C19orf44: variants seen among roughly 807,000 people sequenced by gnomAD.
The protein encoded by C19orf44 is uncharacterized protein C19orf44.
A neutral mutation model predicts 50.7 loss-of-function variants in C19orf44; 43 were observed. The ratio of observed to expected loss-of-function variants is 0.85; its 90% CI spans 0.66 to 1.09. The LOEUF (loss-of-function observed/expected upper bound fraction) is 1.09. Ranked by LOEUF, C19orf44 falls within the 50% of genes least tolerant of loss-of-function variation. C19orf44 has a pLI of 0.00. For missense variants in C19orf44, 722 were observed against 836.2 expected (o/e 0.86, Z 1.68); for synonymous variants, 298 against 334.7 (o/e 0.89, Z 1.20).
intron 6 of C19orf44, among the ~76,000 whole-genome samples, chr19:16,513,964 T>C (rs2093464657): frequency 1.3e-5 from 2 of 151,850 alleles, no homozygotes; most frequent in African/African-American, 4.8e-5. Flanking sequence ...ATCTGGTACC[T>C]ACTATTTTTT....
chr19:16,512,196 G>C (rs1331884420), intron 5 of C19orf44, among the ~76,000 whole-genome samples: 1 of 151,942 alleles, frequency 6.6e-6, no homozygotes, highest in African/African-American at 2.4e-5. Flanking sequence ...GGTGTTAAAT[G>C]GTATTTTCAA....
At position 16,520,060 on chromosome 19, in the gene C19orf44, A is replaced by G; in HGVS notation, c.*41-34A>G. The G allele has an allele frequency of 7.3e-7, 1 of 1,374,774 alleles. No homozygotes were observed. Among genetic ancestry groups the G allele is most frequent in the South Asian group, 1.2e-5 (1 of 80,908 alleles). The allele number at this position is 1,374,774 out of a possible 1,614,324, so 85.2% of individuals were successfully genotyped here. On this transcript the variant is annotated intron_variant, in intron 8 of 8. Coordinates refer to ENST00000221671, the MANE Select transcript of C19orf44 (RefSeq NM_032207.4). The surrounding 1 kb of genome is among the most constrained non-coding windows in gnomAD (Gnocchi z 4.0). ...GCTAATGCTGGCGGCCTCCTAACAC[A>G]GTCTCCTAACCACCAATGTTTCCAC...
intron 1 of C19orf44, among the ~76,000 whole-genome samples, chr19:16,496,866 G>A (rs757305684): frequency 4.6e-5 from 7 of 152,068 alleles, no homozygotes; most frequent in African/African-American, 1.7e-4. Flanking sequence ...GGTGATTCAC[G>A]CCTGGAATCC....
At chr19:16,506,800 T>C (rs747754585) in intron 4 of C19orf44, 26 bp downstream of exon 4, 3 of 1,519,746 alleles carry the variant, frequency 2.0e-6, no homozygotes, top group Non-Finnish European at 2.7e-6. Context: ...TCATTTTTCA[T>C]GGTCGATTGT....
chr19:16,508,431 A>G (rs920433200), intron 4 of C19orf44, among the ~76,000 whole-genome samples: 1 of 151,942 alleles, frequency 6.6e-6, no homozygotes, highest in African/African-American at 2.4e-5. Flanking sequence ...GACAGGTCTC[A>G]CTCAGGCTGG....
chr19:16,502,001 C>T (rs2093426925), intron 2 of C19orf44, among the ~76,000 whole-genome samples: 1 of 151,548 alleles, frequency 6.6e-6, no homozygotes. Flanking sequence ...CCTCCACCTC[C>T]CAGGTTCAAG....
At position 16,500,812 on chromosome 19, in the gene C19orf44, C is replaced by T; in HGVS notation, c.20C>T (p.Ala7Val). 1 of 1,577,808 alleles carries T rather than the reference C, an allele frequency of 6.3e-7. No homozygotes were observed. Among genetic ancestry groups the T allele is most frequent in the East Asian group, 2.2e-5 (1 of 44,522 alleles). The stretch of plus-strand genomic sequence containing the variant: ...CACAGAATGGCTTCTGCAAGGAAAG[C>T]CAGCCGTCCCATGCGTGATGTTTTT... MASARK[A>V]SRPMRDVFGD... Residue 7 changes from alanine to valine, a missense_variant, in exon 2 of 9, where the codon GCC becomes GTC. Coordinates refer to ENST00000221671, the MANE Select transcript of C19orf44 (RefSeq NM_032207.4).
chr19:16,499,580 T>G (rs2093419228), intron 1 of C19orf44: 1 of 151,918 alleles, frequency 6.6e-6, no homozygotes, highest in Non-Finnish European at 1.5e-5. Flanking sequence ...CGGCCTGTAG[T>G]TTTTCATCTT....
intron 1 of C19orf44, among the ~76,000 whole-genome samples, chr19:16,498,268 A>G (rs982725353): frequency 3.9e-5 from 6 of 152,056 alleles, no homozygotes; most frequent in African/African-American, 1.2e-4. Flanking sequence ...TCCCCCAACA[A>G]CATATGAGGG....
chr19:16,512,256 TA>T (rs1300489974), intron 5 of C19orf44, among the ~76,000 whole-genome samples: 1 of 152,096 alleles, frequency 6.6e-6, no homozygotes, highest in African/African-American at 2.4e-5. Flanking sequence ...CTTCTGTCCA[TA>T]TTTTTGGCAA....
Position 16,496,429 on chromosome 19 carries a change from T to G in C19orf44, c.-38T>G. The G allele has an allele frequency of 7.6e-6, 3 of 396,332 alleles. No individual in the cohort carries two copies. Among genetic ancestry groups the G allele is most frequent in the Non-Finnish European group, 9.4e-6 (2 of 211,816 alleles). 24.6% of individuals were successfully genotyped at this position (396,332 alleles called of 1,614,324 possible). On this transcript the variant is annotated 5_prime_UTR_variant, in exon 1 of 9. Transcript: ENST00000221671. Reference sequence around the variant, plus strand: ...GCAACCGCTCCTTCAGGCGTGAATGTGGCGGCTGCCTCTGCGAATGGACGG... The same window carrying G: ...GCAACCGCTCCTTCAGGCGTGAATGGGGCGGCTGCCTCTGCGAATGGACGG...
intron 1 of C19orf44, 100 bp from the exon 2 acceptor site, chr19:16,500,692 G>C: frequency 1.7e-6 from 2 of 1,204,010 alleles, no homozygotes; most frequent in Non-Finnish European, 2.3e-6. Flanking sequence ...CTGTGGCTGG[G>C]TTGCAAAAGA....
At chr19:16,518,081 A>T (rs981748161) in intron 8 of C19orf44, 1 of 152,128 alleles carries the variant, frequency 6.6e-6, no homozygotes, top group African/African-American at 2.4e-5. Context: ...TATTGAAAAG[A>T]ATTTTTCAAA....
chr19:16,520,775 A>T lies in C19orf44; in HGVS notation c.*722A>T. On this transcript the variant is annotated 3_prime_UTR_variant, in exon 9 of 9. Coordinates refer to ENST00000221671, the MANE Select transcript of C19orf44 (RefSeq NM_032207.4). This position sits in a 1 kb window ranked among gnomAD's most constrained non-coding sequence, Gnocchi z 4.0. ...TATCTGGGGTCTGCTCCCACCCATC[A>T]CAAGCTGTGGACCCTGGCCCCCCGG... 1.9e-6 allele frequency: 3 copies of T among 1,553,444 alleles called. No homozygotes were observed. In the South Asian group the frequency reaches 3.3e-5, roughly 17 times the overall value.
At chr19:16,497,553 G>A (rs917763815) in intron 1 of C19orf44, among the ~76,000 whole-genome samples, 1 of 151,452 alleles carries the variant, frequency 6.6e-6, no homozygotes, top group Non-Finnish European at 1.5e-5. Context: ...GTTTTACCAT[G>A]TGTGTCAGGC....
intron 4 of C19orf44, among the ~76,000 whole-genome samples, chr19:16,508,827 G>GT (rs950541979): frequency 1.8e-4 from 27 of 146,424 alleles, no homozygotes; most frequent in South Asian, 6.6e-4. Context: ...ATGATGAAAT[G>GT]TTTTTTTTTT....
At position 16,509,770 on chromosome 19, in the gene C19orf44, ACT is replaced by A. The variant is rs2093451256; in HGVS notation, c.1425_1426del (p.Pro476LysfsTer6). 1 of 1,613,786 alleles carries A rather than the reference ACT, an allele frequency of 6.2e-7. No individual in the cohort carries two copies. The highest frequency in any genetic ancestry group is 8.5e-7 in the Non-Finnish European group (1 of 1,179,954). On this transcript the variant is annotated frameshift_variant, in exon 5 of 9. Transcript: ENST00000221671. LOFTEE classifies it high-confidence loss of function. ...TCAGCTTATTCGGAGGATTTTGAAA[ACT>A]CTCCAAGTCTGACAGCATCTGAGCC...
Position 16,519,146 on chromosome 19 carries a change from C to G in C19orf44, c.*41-948C>G, listed in dbSNP as rs1036523480. ...GCACCGCTGGCCACCGGCGCGGCTCCCGGCATGGGCGCCTACTTACACTCG... is the reference window on the plus strand; with the variant it reads ...GCACCGCTGGCCACCGGCGCGGCTCGCGGCATGGGCGCCTACTTACACTCG... On this transcript the variant is annotated intron_variant, in intron 8 of 8. Coordinates refer to ENST00000221671, the MANE Select transcript of C19orf44 (RefSeq NM_032207.4). This position sits in a 1 kb window ranked among gnomAD's most constrained non-coding sequence, Gnocchi z 6.0. The G allele has an allele frequency of 6.8e-6, 11 of 1,608,544 alleles. No individual in the cohort carries two copies. Among genetic ancestry groups the G allele is most frequent in the Non-Finnish European group, 7.6e-6 (9 of 1,178,232 alleles).
Position 16,520,450 on chromosome 19 carries a change from G to A in C19orf44, c.*397G>A. On this transcript the variant is annotated 3_prime_UTR_variant, in exon 9 of 9. Transcript: ENST00000221671. The surrounding 1 kb of genome is among the most constrained non-coding windows in gnomAD (Gnocchi z 4.0). ...CTGAAGACTTGGAGGATCTTGAGTT[G>A]GAGCGGGAGGAAGAACGCCCTCGAC... is the stretch of plus-strand genomic sequence containing the variant. 1 of 1,614,088 alleles carries A rather than the reference G, an allele frequency of 6.2e-7. No individual in the cohort carries two copies. The highest frequency in any genetic ancestry group is 8.5e-7 in the Non-Finnish European group (1 of 1,180,018).
Sources: gnomAD v4.1 joint callset for allele counts (sites outside exome capture counted in the v4.1 genomes callset) on GRCh38, gnomAD v4.1.1 for gene constraint, Gnocchi (gnomAD v3.1) non-coding constraint, MANE v1.5 for transcripts, NCBI Gene and HGNC (gene_info 2026-07-23, HGNC 2026-07-21) for gene names.